USP24: variants seen among roughly 807,000 people sequenced by gnomAD.
USP24 encodes the protein ubiquitin carboxyl-terminal hydrolase 24.
A neutral mutation model predicts 361.6 loss-of-function variants in USP24; 97 were observed. The observed-to-expected ratio is 0.27, with a 90% confidence interval of 0.23 to 0.32. The LOEUF is 0.32. Among genes scored for constraint, USP24 ranks in the 10% least tolerant of loss-of-function variants. USP24 has a pLI of 1.00. For missense variants in USP24, 2,353 were observed against 3,165.6 expected (o/e 0.74, Z 6.16); for synonymous variants, 1,098 against 1,124.6 (o/e 0.98, Z 0.47).
chr1:55,132,536 G>A lies in USP24; in HGVS notation c.3537+9C>T, dbSNP rs562729684. On this transcript the variant is annotated intron_variant, in intron 31 of 67. Coordinates refer to ENST00000294383, the MANE Select transcript of USP24 (RefSeq NM_015306.3). The stretch of plus-strand genomic sequence containing the variant: ...TCAAAATGAAATGGAAAGAAATTAG[G>A]TTTCTTACTTCTAAGTTGTAGAGCA... 6.2e-7 allele frequency: 1 copy of A among 1,601,908 alleles called. No individual in the cohort carries two copies. The highest frequency in any genetic ancestry group is 1.3e-5 in the African/African-American group (1 of 74,464).
intron 1 of USP24, among the ~76,000 whole-genome samples, chr1:55,192,058 A>G (rs1165427483): frequency 6.6e-6 from 1 of 152,238 alleles, no homozygotes; most frequent in Non-Finnish European, 1.5e-5. Flanking sequence ...CCTAACTGGG[A>G]GTTAAGTACA....
In USP24 at chr1:55,096,502, A is replaced by G. The variant is rs1397138056; in HGVS notation, c.6057T>C (p.Asp2019=). Residue 2019 remains aspartate, a synonymous_variant, in exon 50 of 68, where the codon GAT becomes GAC. Coordinates refer to ENST00000294383, the MANE Select transcript of USP24 (RefSeq NM_015306.3). The part of the protein sequence containing the change: ...FGGEYRPKVY[D]QTNPYTDVRR... ...TATCCATTTGTAAATACTTACTTTG[A>G]TCATAAACTTTTGGTCTATATTCTC... 1.1e-5 allele frequency: 17 copies of G among 1,575,546 alleles called. No individual in the cohort carries two copies. Among genetic ancestry groups the G allele is most frequent in the Non-Finnish European group, 1.4e-5 (16 of 1,165,192 alleles).
intron 37 of USP24, 127 bp downstream of exon 37, chr1:55,121,309 C>T: frequency 1.4e-6 from 1 of 730,608 alleles, no homozygotes; most frequent in South Asian, 2.2e-5. Context: ...GGTCTGCAGC[C>T]CCTTCGTACA....
At chr1:55,191,489 ACTTT>A (rs1281742758) in intron 1 of USP24, among the ~76,000 whole-genome samples, 4 of 107,190 alleles carry the variant, frequency 3.7e-5, no homozygotes, top group African/African-American at 8.6e-5. Flanking sequence ...TCAATATGGC[ACTTT>A]CTTTTTTTTT....
Position 55,147,661 on chromosome 1 carries a change from G to A in USP24, c.2106C>T (p.Tyr702=), listed in dbSNP as rs576967260. Residue 702 remains tyrosine, a synonymous_variant, in exon 18 of 68, where the codon TAC becomes TAT. Transcript: ENST00000294383. The part of the protein sequence containing the change: ...LSGSTLVDGR[Y]TYREYLEAHL... ...CAAGGCCTGATACCTCCCGGTAAGTGTACCGGCCATCCACTAGTGTCGAGC... is the reference window on the plus strand; with the variant it reads ...CAAGGCCTGATACCTCCCGGTAAGTATACCGGCCATCCACTAGTGTCGAGC... The A allele has an allele frequency of 2.5e-6, 4 of 1,609,384 alleles. No homozygotes were observed. The highest frequency in any genetic ancestry group is 2.7e-5 in the African/African-American group (2 of 74,852).
At chr1:55,208,713 G>A (rs934961765) in intron 1 of USP24, among the ~76,000 whole-genome samples, 4 of 149,914 alleles carry the variant, frequency 2.7e-5, no homozygotes, top group Admixed American at 6.7e-5. Context: ...AGAGGCAGGC[G>A]GATCACGAGG....
intron 46 of USP24, 114 bp from the exon 47 acceptor site, chr1:55,098,198 A>G (rs1645540988): frequency 2.3e-6 from 3 of 1,286,264 alleles, no homozygotes; most frequent in South Asian, 2.2e-5. Context: ...GAGTCCCTCA[A>G]TATTTTAAAA....
chr1:55,166,420 A>T, intron 6 of USP24, 148 bp downstream of exon 6: 1 of 795,990 alleles, frequency 1.3e-6, no homozygotes. Flanking sequence ...GTACATACAA[A>T]AAAAGGAAGA....
chr1:55,185,445 T>C (rs1331140295), intron 1 of USP24, among the ~76,000 whole-genome samples: 2 of 151,202 alleles, frequency 1.3e-5, no homozygotes, highest in African/African-American at 4.9e-5. Flanking sequence ...AAACCAAAAG[T>C]TGGTTCTTTG....
intron 9 of USP24, 115 bp from the exon 10 acceptor site, chr1:55,159,151 T>C: frequency 1.1e-6 from 1 of 947,406 alleles, no homozygotes. Flanking sequence ...TATCTGATAT[T>C]TTACAAGGCC....
At chr1:55,184,965 AT>A (rs147392101) in intron 1 of USP24, among the ~76,000 whole-genome samples, 9 of 149,568 alleles carry the variant, frequency 6.0e-5, no homozygotes, top group Admixed American at 6.7e-5. Flanking sequence ...TTTTATTTTT[AT>A]TTTTTTTTTG....
Position 55,178,044 on chromosome 1 carries a change from T to C in USP24, c.413A>G (p.Asp138Gly). ...LYELESRVLTDHWSIPYKREE... is the reference protein window; with the variant it reads ...LYELESRVLTGHWSIPYKREE... ...TCGCTTGTAAGGGATGGACCAATGA[T>C]CAGTCAAAACACGGCTTTCCAGTTC... The change falls in exon 2 of 68, where the codon GAT (aspartate) becomes GGT (glycine). Residue 138 changes from aspartate to glycine, a missense_variant. This residue lies in a region of USP24 where 253 missense variants were observed against 255.3 expected (regional missense o/e 0.99). Transcript: ENST00000294383. 1 of 1,551,628 alleles carries C rather than the reference T, an allele frequency of 6.4e-7. No individual in the cohort carries two copies. The highest frequency in any genetic ancestry group is 8.7e-7 in the Non-Finnish European group (1 of 1,146,922).
intron 55 of USP24, 91 bp downstream of exon 55, chr1:55,089,536 A>C: frequency 1.2e-6 from 1 of 824,488 alleles, no homozygotes; most frequent in Non-Finnish European, 1.9e-6. Context: ...CAATAATTTC[A>C]AGTTGAAATA....
intron 38 of USP24, among the ~76,000 whole-genome samples, chr1:55,118,509 GA>G (rs1409108938): frequency 2.0e-5 from 3 of 152,104 alleles, no homozygotes; most frequent in Admixed American, 1.3e-4. Context: ...ACCTTTAGAA[GA>G]AAACAGGGAA....
chr1:55,179,058 C>A (rs1040108102), intron 1 of USP24, among the ~76,000 whole-genome samples: 2 of 152,290 alleles, frequency 1.3e-5, no homozygotes, highest in African/African-American at 4.8e-5. Flanking sequence ...TGACAACACC[C>A]CAATCTGGAT....
chr1:55,189,699 CTT>C (rs1644235163), intron 1 of USP24, among the ~76,000 whole-genome samples: 1 of 152,034 alleles, frequency 6.6e-6, no homozygotes, highest in African/African-American at 2.4e-5. Context: ...TATAAGAATT[CTT>C]TCTCAATAAA....
chr1:55,155,998 T>C (rs1274616808), intron 12 of USP24, among the ~76,000 whole-genome samples: 1 of 152,206 alleles, frequency 6.6e-6, no homozygotes, highest in Non-Finnish European at 1.5e-5. Flanking sequence ...AACAATCCCC[T>C]GTAATGAATT....
At chr1:55,104,414 A>G (rs1645718928) in intron 41 of USP24, among the ~76,000 whole-genome samples, 1 of 152,214 alleles carries the variant, frequency 6.6e-6, no homozygotes, top group South Asian at 2.1e-4. Flanking sequence ...GCAGCAAAAG[A>G]AAGCTGTAAA....
At chr1:55,092,976 A>G (rs1335718586) in intron 52 of USP24, 60 bp from the exon 53 acceptor site, 2 of 1,139,464 alleles carry the variant, frequency 1.8e-6, no homozygotes, top group Admixed American at 3.0e-5. Flanking sequence ...TATGTGAAGG[A>G]CATTTCTAAT....
Sources: gnomAD v4.1 joint callset for allele counts (sites outside exome capture counted in the v4.1 genomes callset) on GRCh38, gnomAD v4.1.1 for gene constraint, gnomAD v4.1.1 regional missense constraint, MANE v1.5 for transcripts, NCBI Gene and HGNC (gene_info 2026-07-23, HGNC 2026-07-21) for gene names.